The following TCEA3 variants were observed in gnomAD, a reference collection of about 807,000 sequenced individuals.
TCEA3 encodes the protein transcription elongation factor A protein 3.
In TCEA3, 36 loss-of-function variants were observed where a neutral mutation model predicts 44.0. That is an observed-to-expected ratio of 0.82 (90% CI 0.63 to 1.08). TCEA3 has a LOEUF of 1.08. Ranked by LOEUF, TCEA3 falls within the 50% of genes least tolerant of loss-of-function variation. TCEA3 has a pLI of 0.00. For synonymous variants in TCEA3, 162 were observed against 159.7 expected, an observed-to-expected ratio of 1.01 and a Z score of -0.11; for missense variants, 392 against 441.2, an observed-to-expected ratio of 0.89 and a Z score of 1.00.
At position 23,384,522 on chromosome 1, in the gene TCEA3, A is replaced by G. The variant is rs369428568; in HGVS notation, c.967-105T>C. 48 of 1,167,602 alleles carry G rather than the reference A, an allele frequency of 4.1e-5. No homozygotes were observed. In the East Asian group the frequency reaches 8.7e-4, roughly 21 times the overall value. 72.3% of individuals were successfully genotyped at this position (1,167,602 alleles called of 1,614,324 possible). A position where few individuals can be genotyped will look rare whatever the true frequency, so the allele number is the denominator to read the frequency against. On this transcript the variant is annotated intron_variant, in intron 9 of 10. Coordinates refer to ENST00000450454, the MANE Select transcript of TCEA3 (RefSeq NM_003196.3). ...GTCCAAATCCCAGAGGTTGGCACTGAGATTCCCACCCCCCGCTGGCAATTT... is the reference window on the plus strand; with the variant it reads ...GTCCAAATCCCAGAGGTTGGCACTGGGATTCCCACCCCCCGCTGGCAATTT...
chr1:23,421,086 C>T lies in TCEA3; in HGVS notation c.70-1947G>A, dbSNP rs553364174. On this transcript the variant is annotated intron_variant, in intron 1 of 10. Transcript: ENST00000450454. ...TGGGTTCACAGTAGGTTTTCAGAAG[C>T]GTGACCTGCAGATGTGTGTGTATGT... 1.1e-3 allele frequency among the ~76,000 whole-genome samples: 170 copies of T among 152,272 alleles called. 1 individual carries two copies. In the Middle Eastern group the frequency reaches 0.024, roughly 21 times the overall value.
At chr1:23,417,837 C>G in intron 3 of TCEA3, 67 bp downstream of exon 3, 1 of 1,449,728 alleles carries the variant, frequency 6.9e-7, no homozygotes, top group South Asian at 1.2e-5. Flanking sequence ...TGGCTATGAG[C>G]CAGGCCCAGT....
Position 23,422,093 on chromosome 1 carries a change from T to C in TCEA3, c.69+2472A>G, listed in dbSNP as rs76803885. ...ATGCAGCTCCGGGCACAGCTGTGTC[T>C]ATTTGGCTTTGTGGGATGACGCCTG... On this transcript the variant is annotated intron_variant, in intron 1 of 10. Transcript: ENST00000450454. Among the ~76,000 whole-genome samples the C allele has an allele frequency of 4.2e-3, 642 of 152,358 alleles. 1 individual carries two copies. Among genetic ancestry groups the C allele is most frequent in the Admixed American group, 0.011 (169 of 15,298 alleles).
chr1:23,392,553 C>A (rs1639084840), intron 8 of TCEA3, among the ~76,000 whole-genome samples: 1 of 58,814 alleles, frequency 1.7e-5, no homozygotes, highest in Non-Finnish European at 3.6e-5. Flanking sequence ...GCCACATACA[C>A]TCCACACATC....
chr1:23,383,161 T>A (rs1638718791), intron 10 of TCEA3, among the ~76,000 whole-genome samples: 1 of 151,674 alleles, frequency 6.6e-6, no homozygotes, highest in African/African-American at 2.4e-5. Context: ...GCGCCTTTAG[T>A]CCCAGCTACT....
chr1:23,387,505 A>G, intron 8 of TCEA3, 86 bp from the exon 9 acceptor site: 5 of 1,434,426 alleles, frequency 3.5e-6, no homozygotes, highest in East Asian at 2.5e-5. Flanking sequence ...CTGAACAGAA[A>G]AGGAGGTAAC....
intron 9 of TCEA3, among the ~76,000 whole-genome samples, chr1:23,385,291 C>T (rs1014545775): frequency 2.0e-5 from 3 of 152,146 alleles, no homozygotes; most frequent in Non-Finnish European, 2.9e-5. Context: ...GAGTTATGCC[C>T]GCCACCCTCC....
In TCEA3 at chr1:23,417,374, T is replaced by C; in HGVS notation, c.255A>G (p.Pro85=). The stretch of plus-strand genomic sequence containing the variant: ...CTCTTTCCTCTCCTTTTTCTCCTTT[T>C]GGGGGTCCAGGGGAGTCTGAAAACA... ...WKRLLDSPGP[P]KGEKGEEREK... is the part of the protein sequence containing the mutation. Residue 85 remains proline (P), a synonymous_variant, in exon 4 of 11, where the codon CCA becomes CCG. Coordinates refer to ENST00000450454, the MANE Select transcript of TCEA3 (RefSeq NM_003196.3). 2 of 1,613,882 alleles carry C rather than the reference T, an allele frequency of 1.2e-6. No individual in the cohort carries two copies. The highest frequency in any genetic ancestry group is 2.2e-5 in the East Asian group (1 of 44,884).
intron 10 of TCEA3, 109 bp from the exon 11 acceptor site, chr1:23,381,583 G>A: frequency 1.3e-6 from 1 of 747,078 alleles, no homozygotes; most frequent in Non-Finnish European, 2.5e-6. Context: ...ACAGACCAGA[G>A]TCCAAAGCCC....
intron 1 of TCEA3, 86 bp from the exon 2 acceptor site, chr1:23,419,225 G>C (rs918611008): frequency 9.7e-7 from 1 of 1,025,654 alleles, no homozygotes; most frequent in Non-Finnish European, 1.4e-6. Context: ...CAGAGAGCAG[G>C]AGGATACAGA....
rs1638665888 is a variant in TCEA3, at chr1:23,381,256, G to C, written c.*210C>G. The C allele has an allele frequency of 1.7e-6, 1 of 588,072 alleles. No homozygotes were observed. Among genetic ancestry groups the C allele is most frequent in the African/African-American group, 1.9e-5 (1 of 53,294 alleles). The allele number at this position is 588,072 out of a possible 1,614,324, so 36.4% of individuals were successfully genotyped here. ...AGAGGTTCATCAATACAAATTCTCA[G>C]CATCATTCTCCAATTAGGCTCCCCC... On this transcript the variant is annotated 3_prime_UTR_variant, in exon 11 of 11. Transcript: ENST00000450454.
At position 23,414,096 on chromosome 1, in the gene TCEA3, T is replaced by G. The variant is rs185277079; in HGVS notation, c.380+3153A>C. 2.1e-4 allele frequency among the ~76,000 whole-genome samples: 32 copies of G among 151,870 alleles called. 1 individual carries two copies. The highest frequency in any genetic ancestry group is 3.4e-3 in the Middle Eastern group (1 of 294). ...ATATTTTATTTTACTTTATTTTATT[T>G]TATTTTTTGAGACAGAGTCTCATTC... On this transcript the variant is annotated intron_variant, in intron 4 of 10. Transcript: ENST00000450454.
At chr1:23,387,566 G>T in intron 8 of TCEA3, 147 bp from the exon 9 acceptor site, 3 of 1,007,048 alleles carry the variant, frequency 3.0e-6, no homozygotes, top group Non-Finnish European at 4.2e-6. Context: ...TCCGGGTCCT[G>T]CCCCAGCTGG....
chr1:23,416,003 T>C (rs2148581290), intron 4 of TCEA3, among the ~76,000 whole-genome samples: 1 of 125,776 alleles, frequency 8.0e-6, no homozygotes, highest in South Asian at 2.2e-4. Context: ...CATTTTCCTT[T>C]TTTTTTTTTT....
chr1:23,384,555 A>G, intron 9 of TCEA3, 138 bp from the exon 10 acceptor site: 1 of 786,942 alleles, frequency 1.3e-6, no homozygotes, highest in Non-Finnish European at 2.0e-6. Flanking sequence ...TTTCCTTATC[A>G]CTGACAACTC....
chr1:23,419,327 G>T, intron 1 of TCEA3, 188 bp from the exon 2 acceptor site: 1 of 396,048 alleles, frequency 2.5e-6, no homozygotes, highest in African/African-American at 2.1e-5. Context: ...TTCATCCCCC[G>T]CCACCTGCTG....
At chr1:23,418,121 C>T in intron 2 of TCEA3, 112 bp from the exon 3 acceptor site, 1 of 1,025,128 alleles carries the variant, frequency 9.8e-7, no homozygotes, top group Non-Finnish European at 1.5e-6. Flanking sequence ...CAACCTGGAC[C>T]CCCAGAGTCC....
intron 9 of TCEA3, among the ~76,000 whole-genome samples, chr1:23,384,725 G>A (rs1638777075): frequency 7.0e-6 from 1 of 143,812 alleles, no homozygotes; most frequent in Non-Finnish European, 1.5e-5. Flanking sequence ...GGAGTGCAGT[G>A]GTGCCATCTC....
At chr1:23,387,240 T>C in intron 9 of TCEA3, 33 bp downstream of exon 9, 3 of 1,608,806 alleles carry the variant, frequency 1.9e-6, no homozygotes, top group South Asian at 1.1e-5. Flanking sequence ...TGCGGCCTCC[T>C]GCACCTCCGG....
Sources: gnomAD v4.1 joint callset for allele counts (sites outside exome capture counted in the v4.1 genomes callset) on GRCh38, gnomAD v4.1.1 for gene constraint, MANE v1.5 for transcripts, NCBI Gene and HGNC (gene_info 2026-07-23, HGNC 2026-07-21) for gene names.